The following FUCA1 variants were observed in gnomAD, a reference collection of about 807,000 sequenced individuals.
FUCA1 encodes the protein tissue alpha-L-fucosidase.
In FUCA1, 52 loss-of-function variants were observed where a neutral mutation model predicts 56.8. The ratio of observed to expected loss-of-function variants is 0.92; its 90% confidence interval spans 0.73 to 1.15. The LOEUF (loss-of-function observed/expected upper bound fraction) is 1.15. Ranked by LOEUF, FUCA1 falls within the 50% of genes most tolerant of loss-of-function variation. The pLI is 0.00. For missense variants in FUCA1, 568 were observed against 592.6 expected (o/e 0.96, Z 0.43); for synonymous variants, 230 against 226.6 (o/e 1.02, Z -0.14).
At position 23,868,271 on chromosome 1, in the gene FUCA1, TCCCCGGAG is replaced by T; in HGVS notation, c.8_15del (p.Ala3AspfsTer162). Reference sequence around the variant, plus strand: ...GCGGGACCCGCCGGCCGCGACCTCATCCCCGGAGCCCGCATCGCTACCCCTCAGCGACG... The same window carrying T: ...GCGGGACCCGCCGGCCGCGACCTCATCCCGCATCGCTACCCCTCAGCGACG... On this transcript the variant is annotated frameshift_variant, in exon 1 of 8. Coordinates refer to ENST00000374479, the MANE Select transcript of FUCA1 (RefSeq NM_000147.5). LOFTEE classifies it high-confidence loss of function. 6.4e-7 allele frequency: 1 copy of T among 1,553,102 alleles called. No homozygotes were observed. The highest frequency in any genetic ancestry group is 2.4e-5 in the East Asian group (1 of 41,528).
intron 2 of FUCA1, among the ~76,000 whole-genome samples, chr1:23,864,892 A>G (rs895357912): frequency 6.6e-6 from 1 of 151,988 alleles, no homozygotes; most frequent in African/African-American, 2.4e-5. Flanking sequence ...TTTAGTAGAG[A>G]CAGGGTTTCA....
At chr1:23,849,361 G>A (rs780514795) in intron 5 of FUCA1, among the ~76,000 whole-genome samples, 3 of 151,904 alleles carry the variant, frequency 2.0e-5, no homozygotes, top group East Asian at 1.9e-4. Flanking sequence ...GAAAAATCAG[G>A]CTATATTATA....
At chr1:23,848,361 C>T (rs188685647) in intron 6 of FUCA1, among the ~76,000 whole-genome samples, 230 of 152,292 alleles carry the variant, frequency 1.5e-3, no homozygotes, top group Non-Finnish European at 2.7e-3. Context: ...ACAATCCAAG[C>T]ATTCATTATT....
intron 2 of FUCA1, among the ~76,000 whole-genome samples, chr1:23,864,689 C>A (rs1639585209): frequency 6.6e-6 from 1 of 151,332 alleles, no homozygotes; most frequent in Non-Finnish European, 1.5e-5. Flanking sequence ...AGTCAGCAAA[C>A]TCTTTTTGTC....
At chr1:23,858,221 C>T (rs544677205) in intron 4 of FUCA1, among the ~76,000 whole-genome samples, 17 of 152,020 alleles carry the variant, frequency 1.1e-4, no homozygotes, top group African/African-American at 3.9e-4. Flanking sequence ...CCCACTACCA[C>T]GCCTGGCTAA....
intron 4 of FUCA1, among the ~76,000 whole-genome samples, chr1:23,858,465 T>C (rs112004776): frequency 4.5e-4 from 69 of 152,342 alleles, no homozygotes; most frequent in African/African-American, 1.6e-3. Flanking sequence ...CTAGAACATG[T>C]ACAATCGTGA....
chr1:23,863,809 G>A (rs1639560059), intron 2 of FUCA1, among the ~76,000 whole-genome samples: 1 of 152,122 alleles, frequency 6.6e-6, no homozygotes, highest in African/African-American at 2.4e-5. Flanking sequence ...CTAAGATTGT[G>A]CCACTGGAGT....
At chr1:23,865,659 T>A (rs770555085) in intron 1 of FUCA1, 34 bp from the exon 2 acceptor site, 8 of 1,614,012 alleles carry the variant, frequency 5.0e-6, no homozygotes, top group African/African-American at 1.3e-5. Context: ...GCAAAGGAAG[T>A]GGGCAGTGAA....
intron 5 of FUCA1, among the ~76,000 whole-genome samples, chr1:23,853,492 G>A (rs1181993333): frequency 2.6e-5 from 4 of 151,136 alleles, no homozygotes; most frequent in African/African-American, 9.7e-5. Flanking sequence ...GGTGAGGGGC[G>A]CCTCTGCCCG....
intron 6 of FUCA1, among the ~76,000 whole-genome samples, chr1:23,847,622 C>T (rs1006117228): frequency 1.3e-5 from 2 of 152,186 alleles, no homozygotes; most frequent in African/African-American, 4.8e-5. Flanking sequence ...TCATCCCCAA[C>T]CATGTCATGA....
chr1:23,845,951 G>T (rs1328347707), intron 7 of FUCA1, 96 bp from the exon 8 acceptor site: 1 of 1,554,380 alleles, frequency 6.4e-7, no homozygotes, highest in East Asian at 2.2e-5. Context: ...GCTGGGCCAG[G>T]GCAGGAAAGC....
At chr1:23,847,163 C>T (rs1003602142) in intron 6 of FUCA1, among the ~76,000 whole-genome samples, 2 of 152,160 alleles carry the variant, frequency 1.3e-5, no homozygotes, top group African/African-American at 2.4e-5. Context: ...TATCTATTTT[C>T]CCTACCAATT....
Position 23,857,996 on chromosome 1 carries a change from T to C in FUCA1, c.768+1802A>G, listed in dbSNP as rs569071606. 3.3e-5 allele frequency among the ~76,000 whole-genome samples: 5 copies of C among 150,910 alleles called. No homozygotes were observed. In the East Asian group the frequency reaches 1.0e-3, roughly 30 times the overall value. ...GAAAACCACTCTTAATCTGTCTCTG[T>C]GCATCATATAGAATCTGTTTTTTTC... On this transcript the variant is annotated intron_variant, in intron 4 of 7. Coordinates refer to ENST00000374479, the MANE Select transcript of FUCA1 (RefSeq NM_000147.5).
intron 5 of FUCA1, among the ~76,000 whole-genome samples, chr1:23,849,049 T>C (rs1360940351): frequency 1.3e-5 from 2 of 152,088 alleles, no homozygotes; most frequent in African/African-American, 4.8e-5. Flanking sequence ...CTCAACTGCA[T>C]CTCGGCTCAC....
intron 5 of FUCA1, among the ~76,000 whole-genome samples, chr1:23,853,419 C>T (rs1311850949): frequency 9.9e-5 from 15 of 151,314 alleles, no homozygotes; most frequent in African/African-American, 3.4e-4. Context: ...CCTGGCCAGC[C>T]GCCCCGTCCG....
At chr1:23,852,395 C>T (rs1412181243) in intron 5 of FUCA1, among the ~76,000 whole-genome samples, 1 of 151,912 alleles carries the variant, frequency 6.6e-6, no homozygotes, top group Non-Finnish European at 1.5e-5. Flanking sequence ...GCGCTATTGC[C>T]TGCATGACAG....
intron 2 of FUCA1, among the ~76,000 whole-genome samples, chr1:23,864,926 A>C (rs760553644): frequency 3.3e-5 from 5 of 151,962 alleles, no homozygotes; most frequent in African/African-American, 4.8e-5. Flanking sequence ...GTTGGTCTTG[A>C]ACTCCTGACC....
intron 6 of FUCA1, among the ~76,000 whole-genome samples, chr1:23,847,322 A>G (rs1398060698): frequency 6.6e-6 from 1 of 150,880 alleles, no homozygotes; most frequent in Non-Finnish European, 1.5e-5. Flanking sequence ...AATGAAAACA[A>G]ATTTGTTGTT....
chr1:23,853,416 A>G (rs1319273129), intron 5 of FUCA1, among the ~76,000 whole-genome samples: 1 of 150,264 alleles, frequency 6.7e-6, no homozygotes, highest in Non-Finnish European at 1.5e-5. Flanking sequence ...CCGCCTGGCC[A>G]GCCGCCCCGT....
Sources: allele counts gnomAD v4.1 joint callset (sites outside exome capture counted in the v4.1 genomes callset), GRCh38; gene constraint gnomAD v4.1.1; transcripts MANE v1.5; gene names NCBI Gene and HGNC (gene_info 2026-07-23, HGNC 2026-07-21).